The following ABCB7 variants were observed in gnomAD, a reference collection of about 807,000 sequenced individuals.
ABCB7 encodes the protein ATP binding cassette subfamily B member 7.
In ABCB7, 7 loss-of-function variants were observed where a neutral mutation model predicts 54.4. The ratio of observed to expected loss-of-function variants is 0.13; its 90% CI spans 0.07 to 0.24. The LOEUF (loss-of-function observed/expected upper bound fraction) is 0.24, where lower values mean the gene tolerates loss of function less well. Among genes scored for constraint, ABCB7 ranks in the 10% least tolerant of loss-of-function variants. The pLI is 1.00. For missense variants in ABCB7, 356 were observed against 570.4 expected (o/e 0.62, Z 3.83); for synonymous variants, 218 against 207.1 (o/e 1.05, Z -0.45).
At chrX:75,121,886 G>A (rs960665159) in intron 1 of ABCB7, among the ~76,000 whole-genome samples, 3 of 111,602 alleles carry the variant, frequency 2.7e-5, no homozygotes, top group African/African-American at 9.8e-5. Flanking sequence ...TTCTGACTGA[G>A]CTCCTCTCTA....
At chrX:75,114,289 T>G (rs1713600220) in intron 2 of ABCB7, among the ~76,000 whole-genome samples, 1 of 112,030 alleles carries the variant, frequency 8.9e-6, no homozygotes, top group African/African-American at 3.2e-5. Flanking sequence ...CACTGAGAAT[T>G]TTTAAAGATG....
intron 4 of ABCB7, among the ~76,000 whole-genome samples, chrX:75,086,021 A>G (rs754273338): frequency 2.2e-4 from 24 of 109,324 alleles, no homozygotes; most frequent in Non-Finnish European, 4.2e-4. Flanking sequence ...TAATTTTTGT[A>G]TTTTTAGTAG....
chrX:75,087,530 T>A (rs1028793374), intron 4 of ABCB7, among the ~76,000 whole-genome samples: 3 of 111,940 alleles, frequency 2.7e-5, no homozygotes, highest in Non-Finnish European at 5.6e-5. Context: ...GTATATAAAG[T>A]TTGCTCTGGG....
At chrX:75,094,007 TTC>T (rs1352054159) in intron 4 of ABCB7, among the ~76,000 whole-genome samples, 5 of 96,491 alleles carry the variant, frequency 5.2e-5, no homozygotes, top group Admixed American at 4.7e-4. Flanking sequence ...TTTTGGATGT[TTC>T]TGTTATATAC....
intron 13 of ABCB7, among the ~76,000 whole-genome samples, chrX:75,064,428 T>C (rs960768676): frequency 9.0e-6 from 1 of 110,819 alleles, no homozygotes; most frequent in South Asian, 3.8e-4. Context: ...TTCAAATAAT[T>C]TGGGGGTAAA....
intron 1 of ABCB7, among the ~76,000 whole-genome samples, chrX:75,118,224 G>A (rs755371163): frequency 1.8e-4 from 20 of 111,547 alleles, no homozygotes; most frequent in Non-Finnish European, 3.4e-4. Context: ...CACAATGGCA[G>A]CCTGGGTGCA....
chrX:75,119,187 A>G (rs1183852223), intron 1 of ABCB7, among the ~76,000 whole-genome samples: 1 of 112,447 alleles, frequency 8.9e-6, no homozygotes, highest in Non-Finnish European at 1.9e-5. Context: ...ACAGTTTTAC[A>G]TGCAAGGTGT....
At chrX:75,082,258 CCA>C (rs2081461599) in intron 4 of ABCB7, among the ~76,000 whole-genome samples, 1 of 111,720 alleles carries the variant, frequency 9.0e-6, no homozygotes, top group Non-Finnish European at 1.9e-5. Context: ...CAGCAGATTT[CCA>C]CAGAGGCCAG....
chrX:75,099,709 C>A (rs953193981), intron 3 of ABCB7, among the ~76,000 whole-genome samples: 1 of 110,683 alleles, frequency 9.0e-6, no homozygotes, highest in Non-Finnish European at 1.9e-5. Context: ...GCTTTAAAGG[C>A]AGAATATTAA....
At chrX:75,073,276 C>T (rs766429184) in intron 8 of ABCB7, among the ~76,000 whole-genome samples, 4 of 111,612 alleles carry the variant, frequency 3.6e-5, no homozygotes, top group Admixed American at 1.9e-4. Context: ...TGATGGGTCG[C>T]GCAGCTGGTT....
Position 75,076,505 on chromosome X carries a change from T to C in ABCB7, c.586+17A>G, listed in dbSNP as rs1209290706. 2 of 1,208,177 alleles carry C rather than the reference T, an allele frequency of 1.7e-6. No homozygotes were observed. The highest frequency in any genetic ancestry group is 2.2e-6 in the Non-Finnish European group (2 of 893,778). On this transcript the variant is annotated intron_variant, in intron 5 of 15. Coordinates refer to ENST00000373394, the MANE Select transcript of ABCB7 (RefSeq NM_001271696.3). ...AGAAAGTCAACACCTGTAGACAGAT[T>C]AAAGAATCACACATACAGCCAATCA...
At chrX:75,073,254 T>C (rs2081379514) in intron 8 of ABCB7, among the ~76,000 whole-genome samples, 1 of 112,094 alleles carries the variant, frequency 8.9e-6, no homozygotes, top group South Asian at 3.7e-4. Context: ...TTTATCATTA[T>C]CAAATATTAA....
rs2081210284 is a variant in ABCB7, at chrX:75,053,373, G to A, written c.2256C>T (p.Cys752=). The stretch of plus-strand genomic sequence containing the variant: ...AAAAGAAAATGTCTTATGTGACTTA[G>A]CACGAACAGTTTCCACAGCCTTTCA... ...NSVKGCGNCS[C] is the part of the protein sequence containing the mutation. Residue 752 remains cysteine (C), a synonymous_variant, in exon 16 of 16, where the codon TGC becomes TGT. Coordinates refer to ENST00000373394, the MANE Select transcript of ABCB7 (RefSeq NM_001271696.3). The A allele has an allele frequency of 8.3e-7, 1 of 1,209,850 alleles. No individual in the cohort carries two copies. The highest frequency in any genetic ancestry group is 2.2e-5 in the Admixed American group (1 of 45,845).
At chrX:75,125,853 C>A (rs766725388) in intron 1 of ABCB7, among the ~76,000 whole-genome samples, 4 of 110,412 alleles carry the variant, frequency 3.6e-5, no homozygotes, top group African/African-American at 6.6e-5. Context: ...CAATCCCCCC[C>A]CAAAAAGATA....
intron 3 of ABCB7, among the ~76,000 whole-genome samples, chrX:75,101,063 G>A (rs192309056): frequency 3.9e-5 from 2 of 51,354 alleles, no homozygotes; most frequent in Non-Finnish European, 8.4e-5. Flanking sequence ...GAAAAAATGT[G>A]ATATATGTAG....
At chrX:75,079,664 G>C (rs1017480938) in intron 4 of ABCB7, among the ~76,000 whole-genome samples, 1 of 111,431 alleles carries the variant, frequency 9.0e-6, no homozygotes, top group Non-Finnish European at 1.9e-5. Flanking sequence ...TTAACTACTG[G>C]ACTAGAGAAC....
chrX:75,129,199 T>C (rs1037411791), intron 1 of ABCB7, among the ~76,000 whole-genome samples: 3 of 111,721 alleles, frequency 2.7e-5, no homozygotes, highest in African/African-American at 9.8e-5. Flanking sequence ...ACCAACCCAA[T>C]TGCCCACCAA....
At chrX:75,081,413 T>G (rs1454162360) in intron 4 of ABCB7, among the ~76,000 whole-genome samples, 2 of 111,247 alleles carry the variant, frequency 1.8e-5, no homozygotes, top group African/African-American at 6.5e-5. Context: ...ATAACTGACA[T>G]ATAAAAACTC....
chrX:75,077,095 T>C (rs2081416818), intron 4 of ABCB7, among the ~76,000 whole-genome samples: 1 of 112,144 alleles, frequency 8.9e-6, no homozygotes, highest in African/African-American at 3.2e-5. Context: ...TATAATGCTC[T>C]TATACAGTAG....
Sources: gnomAD v4.1 joint callset for allele counts (sites outside exome capture counted in the v4.1 genomes callset) on GRCh38, gnomAD v4.1.1 for gene constraint, MANE v1.5 for transcripts, NCBI Gene and HGNC (gene_info 2026-07-23, HGNC 2026-07-21) for gene names.